The following CCDC50 variants were observed in gnomAD, a reference collection of about 807,000 sequenced individuals.
The protein encoded by CCDC50 is coiled-coil domain containing 50.
Under a neutral mutation model 70.2 loss-of-function variants are expected in CCDC50, and 54 were observed. The observed-to-expected ratio is 0.77, with a 90% confidence interval of 0.62 to 0.96. The LOEUF (loss-of-function observed/expected upper bound fraction) is 0.96. Ranked by LOEUF, CCDC50 falls within the 50% of genes least tolerant of loss-of-function variation. CCDC50 has a pLI of 0.00. For missense variants in CCDC50, 558 were observed against 578.7 expected (o/e 0.96, Z 0.37); for synonymous variants, 216 against 198.8 (o/e 1.09, Z -0.73).
chr3:191,347,485 A>C (rs1200847328), intron 1 of CCDC50, among the ~76,000 whole-genome samples: 1 of 142,002 alleles, frequency 7.0e-6, no homozygotes, highest in Non-Finnish European at 1.6e-5. Flanking sequence ...TAGCTGAACA[A>C]ATACATCCGT....
At chr3:191,388,849 T>G (rs113551181) in intron 10 of CCDC50, among the ~76,000 whole-genome samples, 5 of 152,274 alleles carry the variant, frequency 3.3e-5, no homozygotes, top group African/African-American at 1.2e-4. Flanking sequence ...GGTTTTCTGC[T>G]TCAGTGCTAC....
chr3:191,387,405 A>G (rs2572064), intron 10 of CCDC50, among the ~76,000 whole-genome samples: 64,167 of 151,990 alleles, frequency 0.42, 15,230 homozygotes, highest in Non-Finnish European at 0.53. Context: ...CAACAAAGTT[A>G]GTTAATAAGA....
At chr3:191,378,505 G>A (rs910131731) in intron 6 of CCDC50, among the ~76,000 whole-genome samples, 13 of 151,178 alleles carry the variant, frequency 8.6e-5, no homozygotes, top group African/African-American at 3.2e-4. Context: ...GGCATGTTCT[G>A]TCATCCTTAA....
chr3:191,397,393 C>G lies in CCDC50; in HGVS notation c.*5633C>G, dbSNP rs868444232. 2.0e-5 allele frequency: 3 copies of G among 152,286 alleles called. No homozygotes were observed. The highest frequency in any genetic ancestry group is 3.4e-3 in the Middle Eastern group (1 of 294). 9.4% of individuals were successfully genotyped at this position (152,286 alleles called of 1,614,324 possible). A position where few individuals can be genotyped will look rare whatever the true frequency, so the allele number is the denominator to read the frequency against. ...TGCTGTAAACTGCAAGCCAAATGCTCTTTCTCAGAAAGAGCTATATTTTTC... is the reference window on the plus strand; with the variant it reads ...TGCTGTAAACTGCAAGCCAAATGCTGTTTCTCAGAAAGAGCTATATTTTTC... On this transcript the variant is annotated 3_prime_UTR_variant, in exon 12 of 12. Transcript: ENST00000392455.
In CCDC50 at chr3:191,395,290, G is replaced by T. The variant is rs1465006728; in HGVS notation, c.*3530G>T. On this transcript the variant is annotated 3_prime_UTR_variant, in exon 12 of 12. Coordinates refer to ENST00000392455, the MANE Select transcript of CCDC50 (RefSeq NM_178335.3). ...TTTCTCTCAAAGTTAGAACTTTTCA[G>T]TATAAAAATAATTAGCTTTTAACTG... 1 of 152,092 alleles carries T rather than the reference G, an allele frequency of 6.6e-6. No homozygotes were observed. Among genetic ancestry groups the T allele is most frequent in the Non-Finnish European group, 1.5e-5 (1 of 67,990 alleles). 9.4% of individuals were successfully genotyped at this position (152,092 alleles called of 1,614,324 possible).
rs1713256746 is a variant in CCDC50 at position 191,380,066 on chromosome 3, C to T, written c.977-93C>T. ...GAGGTAGTATTGTCATTGTTAGCTA[C>T]TAAAGAAAAATCTCCTTTATCTTAA... On this transcript the variant is annotated intron_variant, in intron 6 of 11. Coordinates refer to ENST00000392455, the MANE Select transcript of CCDC50 (RefSeq NM_178335.3). The T allele has an allele frequency of 3.9e-6, 3 of 769,728 alleles. No homozygotes were observed. In the South Asian group the frequency reaches 4.8e-5, roughly 12 times the overall value. 47.7% of individuals were successfully genotyped at this position (769,728 alleles called of 1,614,324 possible). A position where few individuals can be genotyped will look rare whatever the true frequency, so the allele number is the denominator to read the frequency against.
chr3:191,364,649 A>G (rs1281172993), intron 4 of CCDC50, among the ~76,000 whole-genome samples: 2 of 151,944 alleles, frequency 1.3e-5, no homozygotes, highest in African/African-American at 2.4e-5. Context: ...GAGTTATACA[A>G]CCTTGCGTGT....
chr3:191,395,796 C>T lies in CCDC50; in HGVS notation c.*4036C>T, dbSNP rs1004981248. The T allele has an allele frequency of 1.3e-5, 2 of 152,202 alleles. No individual in the cohort carries two copies. Among genetic ancestry groups the T allele is most frequent in the Non-Finnish European group, 2.9e-5 (2 of 68,028 alleles). The allele number at this position is 152,202 out of a possible 1,614,324, so 9.4% of individuals were successfully genotyped here. A position where few individuals can be genotyped will look rare whatever the true frequency, so the allele number is the denominator to read the frequency against. On this transcript the variant is annotated 3_prime_UTR_variant, in exon 12 of 12. Transcript: ENST00000392455. ...TTTAAATTACTTTGTCTATTACTTACTGCTCATAGAGAAGTGACTATATAA... is the reference window on the plus strand; with the variant it reads ...TTTAAATTACTTTGTCTATTACTTATTGCTCATAGAGAAGTGACTATATAA...
At position 191,375,679 on chromosome 3, in the gene CCDC50, TTC is replaced by T. The variant is rs2307645; in HGVS notation, c.976+96_976+97del. The T allele has an allele frequency of 0.08, 106,153 of 1,325,028 alleles. 5,536 individuals are homozygous for T. Among genetic ancestry groups the T allele is most frequent in the East Asian group, 0.23 (9,344 of 39,852 alleles). 82.1% of individuals were successfully genotyped at this position (1,325,028 alleles called of 1,614,324 possible). On this transcript the variant is annotated intron_variant, in intron 6 of 11. Transcript: ENST00000392455. ...AATAAGTACCTTAAGCAACCTTTCT[TTC>T]TCTCTAGTTCATGCTCATGACTTTG...
At chr3:191,342,141 A>G (rs904165217) in intron 1 of CCDC50, among the ~76,000 whole-genome samples, 2 of 152,200 alleles carry the variant, frequency 1.3e-5, no homozygotes, top group African/African-American at 4.8e-5. Context: ...AGATTTACAC[A>G]TTTGTTTTCT....
chr3:191,367,321 A>C (rs16866505), intron 4 of CCDC50, among the ~76,000 whole-genome samples: 6 of 152,038 alleles, frequency 3.9e-5, no homozygotes, highest in African/African-American at 9.7e-5. Context: ...TAAATTCAGT[A>C]GCAAGAGGGC....
Position 191,375,555 on chromosome 3 carries a change from A to G in CCDC50, c.942A>G (p.Ser314=), listed in dbSNP as rs779591709. The G allele has an allele frequency of 4.3e-6, 7 of 1,613,244 alleles. No individual in the cohort carries two copies. The African/African-American group carries it at 6.7e-5, about 15-fold the overall frequency. Residue 314 remains serine (S), a synonymous_variant, in exon 6 of 12, where the codon TCA becomes TCG. Coordinates refer to ENST00000392455, the MANE Select transcript of CCDC50 (RefSeq NM_178335.3). Reference sequence around the variant, plus strand: ...ACAGGCCCAGGACTCCTCCATTCTCAGAGAGTGAGGAGCAGCTCCACCTCC... The same window carrying G: ...ACAGGCCCAGGACTCCTCCATTCTCGGAGAGTGAGGAGCAGCTCCACCTCC... ...RRHRPRTPPF[S]ESEEQLHLHD...
At chr3:191,378,404 A>C (rs142414702) in intron 6 of CCDC50, among the ~76,000 whole-genome samples, 17 of 152,256 alleles carry the variant, frequency 1.1e-4, no homozygotes, top group Middle Eastern at 6.8e-3. Flanking sequence ...GGTGTACTTT[A>C]GGAGGCATAA....
chr3:191,330,802 A>G (rs1717955093), intron 1 of CCDC50, among the ~76,000 whole-genome samples: 1 of 152,126 alleles, frequency 6.6e-6, no homozygotes, highest in Non-Finnish European at 1.5e-5. Flanking sequence ...AAAATGAGGG[A>G]CTGCTTGATT....
rs140086163 is a variant in CCDC50, at chr3:191,332,155, C to A, written c.49+2432C>A. The stretch of plus-strand genomic sequence containing the variant: ...CTGTGACCTTTTGTCGTGAACATTT[C>A]AATAGAGGTCGTGGGTAGCAGCTGA... On this transcript the variant is annotated intron_variant, in intron 1 of 11. Transcript: ENST00000392455. Among the ~76,000 whole-genome samples, 451 of 152,180 alleles carry A rather than the reference C, an allele frequency of 3.0e-3. 4 individuals carry two copies. The highest frequency in any genetic ancestry group is 0.01 in the African/African-American group (432 of 41,536).
At chr3:191,383,628 C>T (rs1291123738) in intron 10 of CCDC50, among the ~76,000 whole-genome samples, 3 of 152,142 alleles carry the variant, frequency 2.0e-5, no homozygotes, top group South Asian at 2.1e-4. Context: ...TGTTGCTACT[C>T]ATGCCCACAC....
Position 191,373,596 on chromosome 3 carries a change from A to T in CCDC50, c.449-1466A>T, listed in dbSNP as rs186185120. Among the ~76,000 whole-genome samples, 4 of 152,290 alleles carry T rather than the reference A, an allele frequency of 2.6e-5. No homozygotes were observed. In the East Asian group the frequency reaches 7.7e-4, roughly 29 times the overall value. The stretch of plus-strand genomic sequence containing the variant: ...GCTGGTCTGTATTATATAAATTTAC[A>T]GCAGTAGTCACTTGATTCTCATGTT... On this transcript the variant is annotated intron_variant, in intron 5 of 11. Transcript: ENST00000392455.
chr3:191,355,936 G>A (rs1057501931), intron 1 of CCDC50, among the ~76,000 whole-genome samples: 7 of 152,174 alleles, frequency 4.6e-5, no homozygotes, highest in African/African-American at 1.7e-4. Flanking sequence ...CACAACTAAT[G>A]TTGAGTGTAT....
At chr3:191,334,166 G>C (rs1013855048) in intron 1 of CCDC50, among the ~76,000 whole-genome samples, 9 of 151,978 alleles carry the variant, frequency 5.9e-5, no homozygotes, top group Non-Finnish European at 1.2e-4. Flanking sequence ...TGTGTTGAGG[G>C]TATTTCCACA....
Sources: gnomAD v4.1 joint callset for allele counts (sites outside exome capture counted in the v4.1 genomes callset) on GRCh38, gnomAD v4.1.1 for gene constraint, MANE v1.5 for transcripts, NCBI Gene and HGNC (gene_info 2026-07-23, HGNC 2026-07-21) for gene names.